MIER2: variants seen among roughly 807,000 people sequenced by gnomAD.
MIER2 encodes mesoderm induction early response protein 2.
In MIER2, 30 loss-of-function variants were observed where a neutral mutation model predicts 67.6. The observed-to-expected ratio is 0.44, with a 90% confidence interval of 0.33 to 0.60. MIER2 has a LOEUF of 0.60. Among genes scored for constraint, MIER2 ranks in the 20% least tolerant of loss-of-function variants. The probability of loss-of-function intolerance (pLI) is 0.02; values close to 1 mark genes in which losing one functional copy is unlikely to be tolerated. For missense variants in MIER2, 702 were observed against 745.1 expected (o/e 0.94, Z 0.67); for synonymous variants, 372 against 312.6 (o/e 1.19, Z -2.00).
chr19:308,903 T>C lies in MIER2; in HGVS notation c.1007A>G (p.Glu336Gly), dbSNP rs866631652. 2 of 1,606,930 alleles carry C rather than the reference T, an allele frequency of 1.2e-6. No individual in the cohort carries two copies. Among genetic ancestry groups the C allele is most frequent in the African/African-American group, 1.3e-5 (1 of 74,678 alleles). The change falls in exon 11 of 14, where the codon GAG (glutamate) becomes GGG (glycine). Residue 336 changes from glutamate to glycine, a missense_variant. Glu to Gly is a moderately conservative substitution (Grantham distance 98). This residue lies in a region of MIER2 where 128 missense variants were observed against 189.7 expected (regional missense o/e 0.67). Transcript: ENST00000264819. This position sits in a 1 kb window ranked among gnomAD's most constrained non-coding sequence, Gnocchi z 9.1. ...ANKVRTRSVG[E>G]CVEYYYLWKK... ...CCACAGGTAGTAGTACTCGACACAC[T>C]CGCCCACTGACCGTGTGCGCACCTG...
At chr19:333,427 G>A (rs1292762592) in intron 3 of MIER2, among the ~76,000 whole-genome samples, 2 of 49,678 alleles carry the variant, frequency 4.0e-5, no homozygotes, top group Non-Finnish European at 6.8e-5. Flanking sequence ...ACTGCATCCG[G>A]CCAATTTACA....
chr19:318,898 A>G (rs549445656), intron 7 of MIER2, among the ~76,000 whole-genome samples: 1 of 152,050 alleles, frequency 6.6e-6, no homozygotes, highest in South Asian at 2.1e-4. Context: ...CTACTAAAAA[A>G]TACAAAAAAC....
chr19:321,928 A>G (rs900080252), intron 7 of MIER2, among the ~76,000 whole-genome samples: 1 of 151,800 alleles, frequency 6.6e-6, no homozygotes, highest in Non-Finnish European at 1.5e-5. Flanking sequence ...TTTTTGAGAC[A>G]GAGTCTCGCT....
At chr19:324,743 A>G (rs2069444342) in intron 7 of MIER2, among the ~76,000 whole-genome samples, 1 of 152,252 alleles carries the variant, frequency 6.6e-6, no homozygotes, top group Admixed American at 6.5e-5. Flanking sequence ...CATGGGACGA[A>G]GAAGTCCTGG....
At chr19:320,954 G>A (rs947709659) in intron 7 of MIER2, among the ~76,000 whole-genome samples, 2 of 152,152 alleles carry the variant, frequency 1.3e-5, no homozygotes, top group Non-Finnish European at 2.9e-5. Flanking sequence ...CAGAACGTCG[G>A]CACTACATTT....
At chr19:341,519 C>CT (rs1416168195) in intron 1 of MIER2, among the ~76,000 whole-genome samples, 3 of 152,168 alleles carry the variant, frequency 2.0e-5, no homozygotes, top group African/African-American at 7.2e-5. Context: ...CCAGGCGACT[C>CT]TGAGTTCCTG....
intron 3 of MIER2, among the ~76,000 whole-genome samples, chr19:328,787 TC>T: frequency 1.3e-5 from 2 of 152,236 alleles, no homozygotes; most frequent in Middle Eastern, 3.4e-3. Flanking sequence ...AACGGATGCT[TC>T]ATCAATATAA....
chr19:341,564 C>T (rs752851957), intron 1 of MIER2, among the ~76,000 whole-genome samples: 5 of 152,134 alleles, frequency 3.3e-5, no homozygotes, highest in Non-Finnish European at 7.4e-5. Flanking sequence ...CATGGATCTT[C>T]TTCCTCCCGC....
At position 313,474 on chromosome 19, in the gene MIER2, C is replaced by T. The variant is rs201258486; in HGVS notation, c.807+18G>A. 54 of 1,606,826 alleles carry T rather than the reference C, an allele frequency of 3.4e-5. No homozygotes were observed. Among genetic ancestry groups the T allele is most frequent in the African/African-American group, 2.0e-4 (15 of 75,030 alleles). On this transcript the variant is annotated intron_variant, in intron 8 of 13. Coordinates refer to ENST00000264819, the MANE Select transcript of MIER2 (RefSeq NM_017550.3). ...CGGCAGCCCTCAGCCCCTCTGTCCC[C>T]GGCATGGCAGCCCCCACCTGCTCAC...
At chr19:343,715 CTT>C (rs1301016868) in intron 1 of MIER2, 4 of 511,580 alleles carry the variant, frequency 7.8e-6, no homozygotes, top group African/African-American at 2.1e-5. Context: ...AGGATCAGCT[CTT>C]GAGTCTGCCC....
At chr19:342,577 G>C (rs544042841) in intron 1 of MIER2, among the ~76,000 whole-genome samples, 2 of 150,456 alleles carry the variant, frequency 1.3e-5, no homozygotes, top group African/African-American at 4.9e-5. Flanking sequence ...AGGAGCAAAA[G>C]ATGGTGCTCT....
chr19:311,792 G>A, intron 10 of MIER2, 53 bp downstream of exon 10: 2 of 1,577,404 alleles, frequency 1.3e-6, no homozygotes, highest in Non-Finnish European at 8.7e-7. Context: ...CGGACCCTGA[G>A]CCCCTCCCCA....
intron 10 of MIER2, among the ~76,000 whole-genome samples, chr19:309,657 GACACAC>G (rs34219771): frequency 3.6e-4 from 23 of 64,480 alleles, no homozygotes; most frequent in African/African-American, 1.7e-3. Context: ...GACGAGAAGG[GACACAC>G]ACACACACAC....
intron 7 of MIER2, among the ~76,000 whole-genome samples, chr19:318,998 A>C (rs547183193): frequency 2.2e-4 from 33 of 149,752 alleles, no homozygotes; most frequent in African/African-American, 7.9e-4. Context: ...CGGAGCTTGC[A>C]GTGAACAGAG....
At chr19:323,742 G>A (rs571499541) in intron 7 of MIER2, among the ~76,000 whole-genome samples, 21 of 149,696 alleles carry the variant, frequency 1.4e-4, no homozygotes, top group African/African-American at 4.2e-4. Context: ...CGACACAGAC[G>A]TCATCACAAT....
intron 1 of MIER2, chr19:344,223 G>A (rs947360577): frequency 8.0e-5 from 79 of 985,392 alleles, no homozygotes; most frequent in Non-Finnish European, 9.5e-5. Context: ...CGCCAGGCGG[G>A]TCCGCGTCGG....
intron 10 of MIER2, among the ~76,000 whole-genome samples, chr19:310,685 A>ACAGCCCGGAGCTGTAGAAACACGGCCCG (rs1218284718): frequency 7.0e-4 from 39 of 55,396 alleles, no homozygotes; most frequent in African/African-American, 3.6e-3. Context: ...AACACAGCCC[A>ACAGCCCGGAGCTGTAGAAACACGGCCCG]GAGCTATAGA....
At chr19:313,684 A>G (rs1199338320) in intron 7 of MIER2, 41 bp from the exon 8 acceptor site, 9 of 1,593,688 alleles carry the variant, frequency 5.6e-6, no homozygotes, top group Middle Eastern at 1.7e-4. Context: ...CAGGAACCCA[A>G]TCTGCACCCA....
intron 4 of MIER2, among the ~76,000 whole-genome samples, chr19:327,531 T>C (rs917399569): frequency 6.6e-6 from 1 of 152,226 alleles, no homozygotes; most frequent in South Asian, 2.1e-4. Flanking sequence ...CATTTGGTTT[T>C]AACCTTCTAC....
Sources: gnomAD v4.1 joint callset for allele counts (sites outside exome capture counted in the v4.1 genomes callset) on GRCh38, gnomAD v4.1.1 for gene constraint, gnomAD v4.1.1 regional missense constraint, Gnocchi (gnomAD v3.1) non-coding constraint, MANE v1.5 for transcripts, NCBI Gene and HGNC (gene_info 2026-07-23, HGNC 2026-07-21) for gene names.